Variants in THADA observed in about 807,000 individuals in gnomAD.
The protein encoded by THADA is tRNA (32-2'-O)-methyltransferase regulator THADA.
Under a neutral mutation model 219.8 loss-of-function variants are expected in THADA, and 213 were observed. The ratio of observed to expected loss-of-function variants is 0.97; its 90% CI spans 0.87 to 1.09. The LOEUF (loss-of-function observed/expected upper bound fraction) is 1.09. Ranked by LOEUF, THADA falls within the 50% of genes least tolerant of loss-of-function variation. The pLI is 0.00. For missense variants in THADA, 2,956 were observed against 2,311.3 expected (o/e 1.28, Z -5.72); for synonymous variants, 1,018 against 828.9 (o/e 1.23, Z -3.92).
chr2:43,576,931 T>C, intron 10 of THADA, 91 bp downstream of exon 10: 1 of 1,166,088 alleles, frequency 8.6e-7, no homozygotes, highest in Non-Finnish European at 1.2e-6. Context: ...GTAGCTGGGA[T>C]TAGAGGCACA....
chr2:43,479,912 C>G (rs948334241), intron 26 of THADA, among the ~76,000 whole-genome samples: 1 of 152,210 alleles, frequency 6.6e-6, no homozygotes, highest in African/African-American at 2.4e-5. Context: ...AAATTCTCCT[C>G]TGGTTTACTC....
chr2:43,438,719 G>A (rs983352683), intron 26 of THADA, among the ~76,000 whole-genome samples: 1 of 152,154 alleles, frequency 6.6e-6, no homozygotes, highest in African/African-American at 2.4e-5. Flanking sequence ...CCTTATCTGA[G>A]GGGATACATT....
At position 43,273,534 on chromosome 2, in the gene THADA, G is replaced by T. The variant is rs141138258; in HGVS notation, c.5296+6231C>A. Among the ~76,000 whole-genome samples the T allele has an allele frequency of 2.2e-3, 336 of 152,288 alleles. 2 individuals are homozygous for T. The highest frequency in any genetic ancestry group is 7.8e-3 in the African/African-American group (326 of 41,570). Reference sequence around the variant, plus strand: ...TCGATTAGGAAAGAGCCTACTGGAAGGCAGGAGGAAGGGGGAGGCAGTCAG... The same window carrying T: ...TCGATTAGGAAAGAGCCTACTGGAATGCAGGAGGAAGGGGGAGGCAGTCAG... On this transcript the variant is annotated intron_variant, in intron 36 of 37. Coordinates refer to ENST00000405975, the MANE Select transcript of THADA (RefSeq NM_022065.5).
At chr2:43,501,338 A>AAAAAAAAAAAG (rs1688950135) in intron 24 of THADA, among the ~76,000 whole-genome samples, 1 of 134,748 alleles carries the variant, frequency 7.4e-6, no homozygotes, top group Non-Finnish European at 1.5e-5. Flanking sequence ...AAAAAAAAAA[A>AAAAAAAAAAAG]AGAGAGACTT....
chr2:43,592,034 A>G lies in THADA; in HGVS notation c.89T>C (p.Val30Ala). 1 of 1,558,312 alleles carries G rather than the reference A, an allele frequency of 6.4e-7. No individual in the cohort carries two copies. Among genetic ancestry groups the G allele is most frequent in the Non-Finnish European group, 8.7e-7 (1 of 1,150,156 alleles). ...CAAAGAAGCTAGATTTTTCCCTTCC[A>G]CATCAGCAAAAGCTATATAACATAT... Reference protein sequence around the residue: ...DLETLKSFADVEGKNLASLLL... With the variant: ...DLETLKSFADAEGKNLASLLL... The change falls in exon 3 of 38, where the codon GTG becomes GCG. Residue 30 changes from valine (V) to alanine (A), a missense_variant. Coordinates refer to ENST00000405975, the MANE Select transcript of THADA (RefSeq NM_022065.5).
chr2:43,332,178 C>T lies in THADA; in HGVS notation c.4344-11638G>A, dbSNP rs1057111628. On this transcript the variant is annotated intron_variant, in intron 30 of 37. Coordinates refer to ENST00000405975, the MANE Select transcript of THADA (RefSeq NM_022065.5). ...TTGGCTCACTGCAACCTCCAACTCC[C>T]AGGTTCAAACAATTCTTGTGCCTCA... is the stretch of plus-strand genomic sequence containing the variant. Among the ~76,000 whole-genome samples, 8 of 152,306 alleles carry T rather than the reference C, an allele frequency of 5.3e-5. No homozygotes were observed. The East Asian group carries it at 9.6e-4, about 18-fold the overall frequency.
chr2:43,313,741 C>T (rs1677766830), intron 31 of THADA, among the ~76,000 whole-genome samples: 1 of 152,224 alleles, frequency 6.6e-6, no homozygotes. Context: ...TTCTCTGTGG[C>T]CTGGGCATTC....
chr2:43,534,196 T>G (rs1164606975), intron 21 of THADA, among the ~76,000 whole-genome samples: 1 of 152,176 alleles, frequency 6.6e-6, no homozygotes, highest in Non-Finnish European at 1.5e-5. Flanking sequence ...AAAATTCTTT[T>G]TCATTGACAA....
intron 31 of THADA, among the ~76,000 whole-genome samples, chr2:43,303,778 G>A (rs1676528785): frequency 6.6e-6 from 1 of 151,954 alleles, no homozygotes; most frequent in African/African-American, 2.4e-5. Flanking sequence ...AGTTTCCCCT[G>A]GCATTCCAAT....
chr2:43,303,675 T>C, intron 31 of THADA, among the ~76,000 whole-genome samples: 1 of 146,456 alleles, frequency 6.8e-6, no homozygotes. Context: ...TAATTATGGA[T>C]ACAGTGAAGT....
At chr2:43,290,272 GT>G (rs796665720) in intron 34 of THADA, among the ~76,000 whole-genome samples, 35 of 145,070 alleles carry the variant, frequency 2.4e-4, no homozygotes, top group African/African-American at 4.8e-4. Flanking sequence ...ATGTCTGGCC[GT>G]TTTTTTTTTT....
intron 29 of THADA, among the ~76,000 whole-genome samples, chr2:43,373,032 C>A (rs1037242023): frequency 1.3e-5 from 2 of 151,876 alleles, no homozygotes; most frequent in Admixed American, 6.6e-5. Flanking sequence ...AATACCCCCC[C>A]AAAAAACTTA....
intron 28 of THADA, among the ~76,000 whole-genome samples, chr2:43,408,607 A>G (rs1283105961): frequency 6.6e-6 from 1 of 152,200 alleles, no homozygotes; most frequent in Non-Finnish European, 1.5e-5. Flanking sequence ...GCTACTTTTA[A>G]GACATCCTCA....
intron 26 of THADA, among the ~76,000 whole-genome samples, chr2:43,437,779 C>T (rs1680308761): frequency 6.6e-6 from 1 of 152,058 alleles, no homozygotes; most frequent in Admixed American, 6.6e-5. Context: ...TAGTGTCTCC[C>T]TCTGGATAAT....
chr2:43,536,274 T>C (rs1222520179), intron 21 of THADA, among the ~76,000 whole-genome samples: 1 of 152,210 alleles, frequency 6.6e-6, no homozygotes, highest in Non-Finnish European at 1.5e-5. Flanking sequence ...TACATTAATT[T>C]CTGGGTTCTC....
intron 31 of THADA, among the ~76,000 whole-genome samples, chr2:43,301,339 C>T (rs6756560): frequency 0.15 from 22,242 of 152,262 alleles, 1,907 homozygotes; most frequent in African/African-American, 0.23. Context: ...TTCAAAAGAA[C>T]GAATACGCAC....
At chr2:43,352,695 AAGAG>A (rs985077455) in intron 29 of THADA, among the ~76,000 whole-genome samples, 2 of 151,912 alleles carry the variant, frequency 1.3e-5, no homozygotes, top group East Asian at 1.9e-4. Flanking sequence ...GAGAAAGAGA[AAGAG>A]AGAGAGAGGG....
Position 43,572,758 on chromosome 2 carries a change from T to G in THADA, c.1908+56A>C, listed in dbSNP as rs960285646. The G allele has an allele frequency of 9.8e-6, 15 of 1,528,810 alleles. No individual in the cohort carries two copies. The South Asian group carries it at 1.8e-4, about 19-fold the overall frequency. The allele number at this position is 1,528,810 out of a possible 1,614,324, so 94.7% of individuals were successfully genotyped here. On this transcript the variant is annotated intron_variant, in intron 12 of 37. Coordinates refer to ENST00000405975, the MANE Select transcript of THADA (RefSeq NM_022065.5). ...CAATGTAGGGGCCTCTATATTGAAC[T>G]GCTACATGAAAGGGATCTACTGCAT...
intron 7 of THADA, among the ~76,000 whole-genome samples, chr2:43,585,552 AT>A (rs1700923536): frequency 6.7e-6 from 1 of 150,316 alleles, no homozygotes; most frequent in African/African-American, 2.5e-5. Flanking sequence ...AGATAGATAG[AT>A]AGATAGATAG....
Sources: gnomAD v4.1 joint callset for allele counts (sites outside exome capture counted in the v4.1 genomes callset) on GRCh38, gnomAD v4.1.1 for gene constraint, MANE v1.5 for transcripts, NCBI Gene and HGNC (gene_info 2026-07-23, HGNC 2026-07-21) for gene names.